LYRM4: variants seen among roughly 807,000 people sequenced by gnomAD.
LYRM4 encodes the protein LYR motif-containing protein 4.
Under a neutral mutation model 11.7 loss-of-function variants are expected in LYRM4, and 9 were observed. That is an observed-to-expected ratio of 0.77 (90% CI 0.46 to 1.34). The LOEUF is 1.34. Among genes scored for constraint, LYRM4 ranks in the 40% most tolerant of loss-of-function variants. LYRM4 has a pLI of 0.00. For missense variants in LYRM4, 133 were observed against 112.5 expected (o/e 1.18, Z -0.82); for synonymous variants, 42 against 40.4 (o/e 1.04, Z -0.15).
intron 1 of LYRM4, among the ~76,000 whole-genome samples, chr6:5,232,180 C>T (rs534832662): frequency 5.9e-5 from 9 of 152,344 alleles, no homozygotes; most frequent in African/African-American, 1.4e-4. Context: ...TGGACTCTTA[C>T]TGCCACAGGA....
intron 2 of LYRM4, among the ~76,000 whole-genome samples, chr6:5,185,247 C>A (rs1473643231): frequency 2.0e-5 from 3 of 152,224 alleles, no homozygotes; most frequent in Non-Finnish European, 4.4e-5. Context: ...ACTTGTCCTT[C>A]ATTGACTAAA....
the LYRM4 span, among the ~76,000 whole-genome samples, chr6:5,073,230 C>A: frequency 6.6e-6 from 1 of 151,978 alleles, no homozygotes; most frequent in Non-Finnish European, 1.5e-5. Flanking sequence ...ATTAGTCAGG[C>A]CTGGTGGCAC....
chr6:5,040,065 A>G, the LYRM4 span, among the ~76,000 whole-genome samples: 3 of 152,220 alleles, frequency 2.0e-5, no homozygotes, highest in African/African-American at 7.2e-5. Flanking sequence ...GAAAATCTTA[A>G]AACATATCCT....
chr6:5,069,079 A>G, the LYRM4 span, among the ~76,000 whole-genome samples: 2 of 152,220 alleles, frequency 1.3e-5, no homozygotes, highest in Non-Finnish European at 2.9e-5. Flanking sequence ...ATGGAAATCC[A>G]TGCATAGTTG....
At chr6:5,195,883 T>G (rs988931397) in intron 2 of LYRM4, among the ~76,000 whole-genome samples, 1 of 152,162 alleles carries the variant, frequency 6.6e-6, no homozygotes, top group Non-Finnish European at 1.5e-5. Context: ...TCCCCAGAAT[T>G]AATGAATAAA....
At chr6:5,084,583 C>T in the LYRM4 span, 1 of 152,022 alleles carries the variant, frequency 6.6e-6, no homozygotes, top group Non-Finnish European at 1.5e-5. Flanking sequence ...GCGCGAATGG[C>T]CTCCGGCCGC....
At chr6:5,135,064 G>GTGT in intron 2 of LYRM4, among the ~76,000 whole-genome samples, 1 of 67,184 alleles carries the variant, frequency 1.5e-5, no homozygotes, top group Non-Finnish European at 3.1e-5. Context: ...ATCGCTCCCG[G>GTGT]GACTGTGGAG....
the LYRM4 span, among the ~76,000 whole-genome samples, chr6:5,074,093 GC>G: frequency 3.9e-5 from 6 of 152,110 alleles, no homozygotes; most frequent in Non-Finnish European, 8.8e-5. Context: ...TAATTCACCT[GC>G]CCCCCATCTG....
chr6:5,251,620 C>T (rs1764433697), intron 1 of LYRM4, among the ~76,000 whole-genome samples: 1 of 152,156 alleles, frequency 6.6e-6, no homozygotes. Context: ...GGGAATGGTG[C>T]TAAACTATTC....
the LYRM4 span, among the ~76,000 whole-genome samples, chr6:5,045,780 A>G: frequency 6.6e-6 from 1 of 151,736 alleles, no homozygotes; most frequent in Non-Finnish European, 1.5e-5. Context: ...TTTCCTGCCG[A>G]AAAGAGGTGT....
intron 2 of LYRM4, among the ~76,000 whole-genome samples, chr6:5,181,140 T>C (rs1208837200): frequency 6.6e-6 from 1 of 152,204 alleles, no homozygotes; most frequent in Non-Finnish European, 1.5e-5. Context: ...GATTACACAA[T>C]TACAAGGTTT....
At chr6:5,100,747 A>G (rs983524128), downstream of LYRM4, among the ~76,000 whole-genome samples, 3 of 152,184 alleles carry the variant, frequency 2.0e-5, no homozygotes, top group Admixed American at 1.3e-4. Context: ...GGGCCTGTGG[A>G]CGTGTGTTCC....
intron 1 of LYRM4, among the ~76,000 whole-genome samples, chr6:5,233,301 A>G (rs941811706): frequency 6.6e-6 from 1 of 152,250 alleles, no homozygotes; most frequent in Non-Finnish European, 1.5e-5. Flanking sequence ...GCGAACCAGC[A>G]TTTCCCAGCA....
chr6:5,231,298 T>C (rs17139848), intron 1 of LYRM4, among the ~76,000 whole-genome samples: 7,435 of 151,938 alleles, frequency 0.049, 593 homozygotes, highest in African/African-American at 0.16. Context: ...ACAAACCAGG[T>C]GGTAACTAAA....
chr6:5,141,509 G>A (rs750768377), intron 2 of LYRM4, among the ~76,000 whole-genome samples: 1 of 152,190 alleles, frequency 6.6e-6, no homozygotes, highest in Non-Finnish European at 1.5e-5. Context: ...CATGTCCACC[G>A]TAGCGGAACA....
At chr6:5,187,519 C>A (rs1002181918) in intron 2 of LYRM4, among the ~76,000 whole-genome samples, 1 of 152,142 alleles carries the variant, frequency 6.6e-6, no homozygotes, top group Non-Finnish European at 1.5e-5. Flanking sequence ...AACCAAACAC[C>A]GCATGTTCTT....
chr6:5,197,788 G>A (rs1390439816), intron 2 of LYRM4, among the ~76,000 whole-genome samples: 3 of 152,176 alleles, frequency 2.0e-5, no homozygotes, highest in Admixed American at 6.5e-5. Context: ...CCTAATCAAG[G>A]TCACATTTCC....
chr6:5,038,429 G>C, the LYRM4 span, among the ~76,000 whole-genome samples: 25 of 62,746 alleles, frequency 4.0e-4, 3 homozygotes, highest in Non-Finnish European at 8.2e-4. Flanking sequence ...GAGGCTCCCC[G>C]TATCCCAGAC....
At chr6:5,062,648 G>A in the LYRM4 span, among the ~76,000 whole-genome samples, 4 of 152,192 alleles carry the variant, frequency 2.6e-5, no homozygotes, top group African/African-American at 9.7e-5. Context: ...CTGCAGGTGA[G>A]CTGCCAGCTG....
Sources: allele counts gnomAD v4.1 joint callset (sites outside exome capture counted in the v4.1 genomes callset), GRCh38; gene constraint gnomAD v4.1.1; transcripts MANE v1.5; gene names NCBI Gene and HGNC (gene_info 2026-07-23, HGNC 2026-07-21).